Variants in CARD14 observed in about 807,000 individuals in gnomAD.
CARD14 encodes caspase recruitment domain family member 14.
A neutral mutation model predicts 111.5 loss-of-function variants in CARD14; 107 were observed. That is an observed-to-expected ratio of 0.96 (90% CI 0.82 to 1.13). CARD14 has a LOEUF of 1.13. Ranked by LOEUF, CARD14 falls within the 50% of genes most tolerant of loss-of-function variation. The pLI is 0.00. For synonymous variants in CARD14, 617 were observed against 579.6 expected (o/e 1.06, Z -0.93); for missense variants, 1,322 against 1,362.3 (o/e 0.97, Z 0.47).
Position 80,201,935 on chromosome 17 carries a change from G to T in CARD14, c.1978+65G>T. On this transcript the variant is annotated intron_variant, in intron 17 of 23. Transcript: ENST00000648509. This position sits in a 1 kb window ranked among gnomAD's most constrained non-coding sequence, Gnocchi z 5.0. ...CAGACTCCATGACCCTTAAGTCCCT[G>T]GTGGTTCTTCTGCACGCCCAGCAGC... The T allele has an allele frequency of 6.5e-7, 1 of 1,533,624 alleles. No individual in the cohort carries two copies.
intron 7 of CARD14, among the ~76,000 whole-genome samples, chr17:80,184,504 G>A (rs1352372651): frequency 6.6e-6 from 1 of 152,234 alleles, no homozygotes; most frequent in African/African-American, 2.4e-5. Flanking sequence ...TCTGTGAACT[G>A]CCCATCCTGC....
chr17:80,185,089 C>T (rs1023548949), intron 7 of CARD14, among the ~76,000 whole-genome samples: 2 of 152,156 alleles, frequency 1.3e-5, no homozygotes, highest in Non-Finnish European at 2.9e-5. Context: ...CTATCTCGCT[C>T]TGTCACCAAG....
intron 12 of CARD14, among the ~76,000 whole-genome samples, chr17:80,194,193 C>T (rs532604585): frequency 6.6e-6 from 1 of 152,226 alleles, no homozygotes; most frequent in South Asian, 2.1e-4. Flanking sequence ...ATGCCACTTC[C>T]TCCAGAGAGT....
At chr17:80,186,299 A>G (rs371948569) in intron 7 of CARD14, among the ~76,000 whole-genome samples, 11 of 152,244 alleles carry the variant, frequency 7.2e-5, no homozygotes, top group African/African-American at 2.4e-4. Flanking sequence ...TTCTTGGCGC[A>G]GTTCATGGGT....
chr17:80,204,928 C>A, intron 20 of CARD14, 107 bp from the exon 21 acceptor site: 1 of 923,264 alleles, frequency 1.1e-6, no homozygotes, highest in Non-Finnish European at 1.6e-6. Flanking sequence ...ATTCTAGGTG[C>A]TGGGGCTGCT....
chr17:80,196,822 C>G (rs1169239330), intron 14 of CARD14: 1 of 152,420 alleles, frequency 6.6e-6, no homozygotes, highest in Non-Finnish European at 1.5e-5. Context: ...CAGCTGCTGG[C>G]CAGTGCCAGT....
intron 1 of CARD14, among the ~76,000 whole-genome samples, chr17:80,171,054 T>C (rs2144055455): frequency 6.6e-6 from 1 of 151,566 alleles, no homozygotes; most frequent in East Asian, 1.9e-4. Context: ...TTGGCTAGGC[T>C]GGTCTCAAAC....
chr17:80,204,006 C>G lies in CARD14; in HGVS notation c.2283+121C>G, dbSNP rs2289540. 59,373 of 871,610 alleles carry G rather than the reference C, an allele frequency of 0.068. 2,304 individuals carry two copies. The highest frequency in any genetic ancestry group is 0.11 in the South Asian group (6,517 of 60,074). The allele number at this position is 871,610 out of a possible 1,614,324, so 54.0% of individuals were successfully genotyped here. The stretch of plus-strand genomic sequence containing the variant: ...GCTGCTGATTGGAGGGTAACCCCAC[C>G]TGTCTCTCCTCTGCACCCCTTCAAA... On this transcript the variant is annotated intron_variant, in intron 19 of 23. Coordinates refer to ENST00000648509, the MANE Select transcript of CARD14 (RefSeq NM_001366385.1).
At position 80,198,977 on chromosome 17, in the gene CARD14, C is replaced by T. The variant is rs774085570; in HGVS notation, c.1851+386C>T. ...TTTGTTTGTTGTTTTGAAACAGGGTCTCACTCTGTCACCCAGGCTAGAGTG... is the reference window on the plus strand; with the variant it reads ...TTTGTTTGTTGTTTTGAAACAGGGTTTCACTCTGTCACCCAGGCTAGAGTG... On this transcript the variant is annotated intron_variant, in intron 16 of 23. Coordinates refer to ENST00000648509, the MANE Select transcript of CARD14 (RefSeq NM_001366385.1). The surrounding 1 kb of genome is among the most constrained non-coding windows in gnomAD (Gnocchi z 7.5). 2.0e-6 allele frequency: 2 copies of T among 999,246 alleles called. No individual in the cohort carries two copies. Among genetic ancestry groups the T allele is most frequent in the Non-Finnish European group, 2.4e-6 (2 of 817,604 alleles). 61.9% of individuals were successfully genotyped at this position (999,246 alleles called of 1,614,324 possible).
At chr17:80,173,428 C>A (rs1294226619) in intron 2 of CARD14, among the ~76,000 whole-genome samples, 200 bp downstream of exon 2, 1 of 152,016 alleles carries the variant, frequency 6.6e-6, no homozygotes, top group Non-Finnish European at 1.5e-5. Flanking sequence ...AAACTAACAC[C>A]ATTTTATAAA....
Position 80,198,716 on chromosome 17 carries a change from C to T in CARD14, c.1851+125C>T. The T allele has an allele frequency of 1.9e-6, 3 of 1,584,690 alleles. No individual in the cohort carries two copies. The highest frequency in any genetic ancestry group is 2.6e-6 in the Non-Finnish European group (3 of 1,167,608). On this transcript the variant is annotated intron_variant, in intron 16 of 23. Coordinates refer to ENST00000648509, the MANE Select transcript of CARD14 (RefSeq NM_001366385.1). The surrounding 1 kb of genome is among the most constrained non-coding windows in gnomAD (Gnocchi z 7.5). ...AGATCCACTCTGGGCTGGGCCTCTG[C>T]TCTTTCCTGGGCTGACGTAAAGCGT...
intron 7 of CARD14, chr17:80,187,828 G>T (rs966189053): frequency 6.1e-6 from 6 of 985,462 alleles, no homozygotes; most frequent in Non-Finnish European, 7.2e-6. Context: ...AGCAGGACCT[G>T]GTGGGATAGT....
At position 80,198,300 on chromosome 17, in the gene CARD14, A is replaced by G. The variant is rs2040793318; in HGVS notation, c.1659-99A>G. On this transcript the variant is annotated intron_variant, in intron 15 of 23. Transcript: ENST00000648509. This position sits in a 1 kb window ranked among gnomAD's most constrained non-coding sequence, Gnocchi z 7.5. ...CATGGGGCCATGGAGGGGGAGGAGA[A>G]TTCCAGAACACTGGGGCCAGAGGGA... The G allele has an allele frequency of 8.3e-6, 13 of 1,567,424 alleles. No individual in the cohort carries two copies. The highest frequency in any genetic ancestry group is 1.1e-5 in the Non-Finnish European group (13 of 1,151,982).
Position 80,176,175 on chromosome 17 carries a change from A to G in CARD14, c.-366-2333A>G, listed in dbSNP as rs139000695. 1.8e-4 allele frequency among the ~76,000 whole-genome samples: 27 copies of G among 149,150 alleles called. No homozygotes were observed. In the East Asian group the frequency reaches 5.2e-3, roughly 29 times the overall value. On this transcript the variant is annotated intron_variant, in intron 2 of 23. Transcript: ENST00000648509. ...CCAAACACAGTGGCTCACACCTATAATCCTAGCACTTTCGGAGGCTGAGGG... is the reference window on the plus strand; with the variant it reads ...CCAAACACAGTGGCTCACACCTATAGTCCTAGCACTTTCGGAGGCTGAGGG...
chr17:80,192,313 CTT>C (rs908152325), intron 11 of CARD14, 188 bp from the exon 12 acceptor site: 1 of 562,844 alleles, frequency 1.8e-6, no homozygotes, highest in African/African-American at 1.9e-5. Flanking sequence ...CTTTCAGTCT[CTT>C]TGATTGGCAG....
chr17:80,182,676 A>C lies in CARD14; in HGVS notation c.235A>C (p.Thr79Pro). The C allele has an allele frequency of 1.2e-6, 2 of 1,613,882 alleles. No homozygotes were observed. Among genetic ancestry groups the C allele is most frequent in the Non-Finnish European group, 1.7e-6 (2 of 1,179,922 alleles). The change falls in exon 6 of 24, where the codon ACT becomes CCT. Residue 79 changes from threonine to proline, a missense_variant. By Grantham distance (38) the Thr-to-Pro change is conservative (BLOSUM62 -1). Coordinates refer to ENST00000648509, the MANE Select transcript of CARD14 (RefSeq NM_001366385.1). This position sits in a 1 kb window ranked among gnomAD's most constrained non-coding sequence, Gnocchi z 4.7. ...RAGHLLDLLKTRGKNGAIAFL... is the reference protein window; with the variant it reads ...RAGHLLDLLKPRGKNGAIAFL... ...AGGGCACTTGCTGGATTTGCTGAAG[A>C]CTCGAGGGAAGAACGGGGCCATCGC... is the stretch of plus-strand genomic sequence containing the variant.
chr17:80,202,405 T>G lies in CARD14; in HGVS notation c.2204T>G (p.Ile735Ser), dbSNP rs781185886. ...AAGGATACTGCCGCGCACGGCACCA[T>G]CCCCAACTACTCCAGGTGAGCAGCT... ...TMKDTAAHGT[I>S]PNYSRAQQQL... The change falls in exon 18 of 24, where the codon ATC becomes AGC. Residue 735 changes from isoleucine (I) to serine (S), a missense_variant. Transcript: ENST00000648509. The G allele has an allele frequency of 5.0e-6, 8 of 1,611,818 alleles. No homozygotes were observed. Among genetic ancestry groups the G allele is most frequent in the Non-Finnish European group, 6.8e-6 (8 of 1,179,290 alleles).
Position 80,188,321 on chromosome 17 carries a change from C to T in CARD14, c.676-56C>T. On this transcript the variant is annotated intron_variant, in intron 7 of 23. Transcript: ENST00000648509. This position sits in a 1 kb window ranked among gnomAD's most constrained non-coding sequence, Gnocchi z 4.5. The stretch of plus-strand genomic sequence containing the variant: ...GAAGGGTGAGAAATGCCCCCAGCTC[C>T]TGATCAGGGGAGAAGCTGTTTCCAT... 1 of 1,537,646 alleles carries T rather than the reference C, an allele frequency of 6.5e-7. No homozygotes were observed. The highest frequency in any genetic ancestry group is 8.8e-7 in the Non-Finnish European group (1 of 1,136,452).
chr17:80,201,845 CCTGT>C lies in CARD14; in HGVS notation c.1958_1961del (p.Ser653Ter), dbSNP rs1162972306. ...TCAGGAGGGTGGACGGCTTCTGCTG[CCTGT>C]CTGTGAAGGTCAACACGGACGGTAC... On this transcript the variant is annotated frameshift_variant, in exon 17 of 24. Transcript: ENST00000648509. LOFTEE classifies it high-confidence loss of function. This position sits in a 1 kb window ranked among gnomAD's most constrained non-coding sequence, Gnocchi z 5.0. 2 of 1,613,796 alleles carry C rather than the reference CCTGT, an allele frequency of 1.2e-6. No individual in the cohort carries two copies. The highest frequency in any genetic ancestry group is 1.7e-5 in the Admixed American group (1 of 59,972).
Sources: allele counts gnomAD v4.1 joint callset (sites outside exome capture counted in the v4.1 genomes callset), GRCh38; gene constraint gnomAD v4.1.1; non-coding constraint Gnocchi (gnomAD v3.1); transcripts MANE v1.5; gene names NCBI Gene and HGNC (gene_info 2026-07-23, HGNC 2026-07-21).